Variants in G3BP1 observed in about 807,000 individuals in gnomAD.
G3BP1 encodes the protein G3BP stress granule assembly factor 1.
G3BP1 carries 35 observed loss-of-function variants against 58.6 expected under a neutral mutation model. That is an observed-to-expected ratio of 0.60 (90% CI 0.46 to 0.79). The LOEUF (loss-of-function observed/expected upper bound fraction) is 0.79, where lower values mean the gene tolerates loss of function less well. Among genes scored for constraint, G3BP1 ranks in the 30% least tolerant of loss-of-function variants. The pLI, the probability that G3BP1 is intolerant of heterozygous loss-of-function variation, is 0.00. For synonymous variants in G3BP1, 191 were observed against 195.4 expected (o/e 0.98, Z 0.19); for missense variants, 523 against 580.8 (o/e 0.90, Z 1.02).
intron 1 of G3BP1, among the ~76,000 whole-genome samples, chr5:151,782,668 C>G (rs1231580487): frequency 1.3e-5 from 2 of 151,910 alleles, no homozygotes; most frequent in Non-Finnish European, 2.9e-5. Context: ...GAGGGAGAAT[C>G]TTGGAAATTT....
Position 151,797,393 on chromosome 5 carries a change from G to A in G3BP1, c.706G>A (p.Ala236Thr). 6.2e-7 allele frequency: 1 copy of A among 1,612,626 alleles called. No individual in the cohort carries two copies. The highest frequency in any genetic ancestry group is 8.5e-7 in the Non-Finnish European group (1 of 1,178,674). Residue 236 changes from alanine to threonine, a missense_variant, in exon 7 of 12, where the codon GCA (alanine) becomes ACA (threonine). Coordinates refer to ENST00000356245, the MANE Select transcript of G3BP1 (RefSeq NM_005754.3). ...TCAGAAGAGTTCTTCTCCAGCACCT[G>A]CAGACATAGCTCAGACAGTACAGGA... ...DAQKSSSPAP[A>T]DIAQTVQEDL...
intron 1 of G3BP1, among the ~76,000 whole-genome samples, chr5:151,780,638 G>T (rs190959287): frequency 6.6e-6 from 1 of 152,254 alleles, no homozygotes; most frequent in East Asian, 1.9e-4. Flanking sequence ...TCAGCCTCCT[G>T]AGTTGCTGGG....
At chr5:151,783,568 T>G (rs1762508602) in intron 1 of G3BP1, among the ~76,000 whole-genome samples, 1 of 152,032 alleles carries the variant, frequency 6.6e-6, no homozygotes, top group African/African-American at 2.4e-5. Context: ...TTTTTGTATT[T>G]TTAGGAGAGA....
At chr5:151,784,014 G>A (rs1319900567) in intron 1 of G3BP1, among the ~76,000 whole-genome samples, 3 of 152,096 alleles carry the variant, frequency 2.0e-5, no homozygotes, top group African/African-American at 7.2e-5. Context: ...GCTCGCCTCG[G>A]CCTCCGAAAG....
At chr5:151,788,570 A>ATATG in intron 2 of G3BP1, among the ~76,000 whole-genome samples, 2 of 93,188 alleles carry the variant, frequency 2.1e-5, no homozygotes, top group East Asian at 3.2e-4. Flanking sequence ...AGCTAAGTTT[A>ATATG]TATGTGTGTG....
intron 1 of G3BP1, among the ~76,000 whole-genome samples, chr5:151,775,379 C>T (rs1289383564): frequency 6.6e-6 from 1 of 152,200 alleles, no homozygotes; most frequent in East Asian, 1.9e-4. Context: ...AGTGCTTTCA[C>T]ACATCTTTGG....
In G3BP1 at chr5:151,790,323, A is replaced by G. The variant is rs777967318; in HGVS notation, c.96A>G (p.Arg32=). Residue 32 remains arginine, a splice_region_variant and synonymous_variant, in exon 3 of 12, where the codon AGA becomes AGG. Transcript: ENST00000356245. ...AGTAAATCATCTTCCCATTTTACAG[A>G]TTTTATGGAAAGAACTCTTCTTATG... ...LLNQAPDMLH[R]FYGKNSSYVH... is the part of the protein sequence containing the mutation. 1.3e-6 allele frequency: 2 copies of G among 1,514,054 alleles called. No homozygotes were observed. Among genetic ancestry groups the G allele is most frequent in the Non-Finnish European group, 1.8e-6 (2 of 1,111,250 alleles). The allele number at this position is 1,514,054 out of a possible 1,614,324, so 93.8% of individuals were successfully genotyped here.
chr5:151,790,907 A>G lies in G3BP1; in HGVS notation c.196A>G (p.Met66Val). 1 of 1,591,400 alleles carries G rather than the reference A, an allele frequency of 6.3e-7. No individual in the cohort carries two copies. Among genetic ancestry groups the G allele is most frequent in the Non-Finnish European group, 8.6e-7 (1 of 1,162,430 alleles). The part of the protein sequence containing the change: ...YGQKEIHRKV[M>V]SQNFTNCHTK... ...TTTTAAGGAAATCCACAGGAAAGTGATGTCACAAAACTTCACCAACTGCCA... is the reference window on the plus strand; with the variant it reads ...TTTTAAGGAAATCCACAGGAAAGTGGTGTCACAAAACTTCACCAACTGCCA... The change falls in exon 4 of 12, where the codon ATG becomes GTG. Residue 66 changes from methionine to valine, a missense_variant. Coordinates refer to ENST00000356245, the MANE Select transcript of G3BP1 (RefSeq NM_005754.3).
chr5:151,791,126 G>T, intron 4 of G3BP1, 64 bp downstream of exon 4: 2 of 1,328,544 alleles, frequency 1.5e-6, no homozygotes, highest in Non-Finnish European at 1.1e-6. Context: ...ATGAACTGTT[G>T]TGCATATCTT....
At chr5:151,788,539 C>G (rs1037932626) in intron 2 of G3BP1, among the ~76,000 whole-genome samples, 1 of 149,242 alleles carries the variant, frequency 6.7e-6, no homozygotes, top group African/African-American at 2.5e-5. Context: ...GCTAGGACTA[C>G]AGGCATGCAC....
chr5:151,781,441 C>G lies in G3BP1; in HGVS notation c.-49-5131C>G, dbSNP rs73281644. ...GCTAATCATCTTTATGTGAGCAGTT[C>G]TTCTCTCCAGTAAATTTGGATGCAG... is the stretch of plus-strand genomic sequence containing the variant. On this transcript the variant is annotated intron_variant, in intron 1 of 11. Coordinates refer to ENST00000356245, the MANE Select transcript of G3BP1 (RefSeq NM_005754.3). 4.4e-3 allele frequency among the ~76,000 whole-genome samples: 668 copies of G among 152,248 alleles called. 4 individuals carry two copies. The highest frequency in any genetic ancestry group is 0.016 in the African/African-American group (644 of 41,546).
At chr5:151,786,949 T>C (rs1581575320) in intron 2 of G3BP1, 1 of 296,386 alleles carries the variant, frequency 3.4e-6, no homozygotes, top group East Asian at 5.9e-5. Context: ...TTTAAGTGAT[T>C]CTTCTGCCCC....
At chr5:151,779,782 T>C (rs1370480007) in intron 1 of G3BP1, among the ~76,000 whole-genome samples, 1 of 152,166 alleles carries the variant, frequency 6.6e-6, no homozygotes. Context: ...AGTGCTCTCA[T>C]ATGGTTGTCT....
In G3BP1 at chr5:151,795,507, A is replaced by AG; in HGVS notation, c.472dup (p.Glu158GlyfsTer7). 6.2e-7 allele frequency: 1 copy of AG among 1,601,174 alleles called. No individual in the cohort carries two copies. Among genetic ancestry groups the AG allele is most frequent in the Non-Finnish European group, 8.6e-7 (1 of 1,168,882 alleles). ...CTGAAGAAGAAGTAGAGGAACCTGAAGAAAGACAGCAAACACCTGAGGTGG... is the reference window on the plus strand; with the variant it reads ...CTGAAGAAGAAGTAGAGGAACCTGAAGGAAAGACAGCAAACACCTGAGGTGG... On this transcript the variant is annotated frameshift_variant, in exon 6 of 12. Coordinates refer to ENST00000356245, the MANE Select transcript of G3BP1 (RefSeq NM_005754.3). LOFTEE classifies it high-confidence loss of function.
intron 1 of G3BP1, among the ~76,000 whole-genome samples, chr5:151,781,766 C>T (rs1311490879): frequency 6.6e-6 from 1 of 152,128 alleles, no homozygotes; most frequent in Non-Finnish European, 1.5e-5. Context: ...TTTTCTTTAG[C>T]TTTATTGTAA....
chr5:151,790,032 G>C (rs374548116), intron 2 of G3BP1, among the ~76,000 whole-genome samples: 11 of 151,068 alleles, frequency 7.3e-5, no homozygotes, highest in African/African-American at 2.7e-4. Context: ...AATCAGCCAG[G>C]CATGGTGGCA....
At chr5:151,779,684 G>A (rs1561530738) in intron 1 of G3BP1, among the ~76,000 whole-genome samples, 1 of 152,154 alleles carries the variant, frequency 6.6e-6, no homozygotes, top group Non-Finnish European at 1.5e-5. Flanking sequence ...GCATAAATAG[G>A]GTGACATATG....
chr5:151,795,071 A>G (rs1762726519), intron 5 of G3BP1, among the ~76,000 whole-genome samples: 1 of 152,166 alleles, frequency 6.6e-6, no homozygotes, highest in African/African-American at 2.4e-5. Flanking sequence ...AGGTCAGGAG[A>G]TCGAGGCCAT....
intron 1 of G3BP1, among the ~76,000 whole-genome samples, chr5:151,777,051 G>A (rs1454636154): frequency 1.3e-5 from 2 of 152,100 alleles, no homozygotes; most frequent in Non-Finnish European, 2.9e-5. Context: ...TTTCTCCAAG[G>A]AGGCGTCAGG....
Sources: gnomAD v4.1 joint callset for allele counts (sites outside exome capture counted in the v4.1 genomes callset) on GRCh38, gnomAD v4.1.1 for gene constraint, MANE v1.5 for transcripts, NCBI Gene and HGNC (gene_info 2026-07-23, HGNC 2026-07-21) for gene names.